The following NOL7 variants were observed in gnomAD, a reference collection of about 807,000 sequenced individuals.
The protein encoded by NOL7 is U3 small nucleolar RNA-associated protein NOL7.
NOL7 carries 36 observed loss-of-function variants against 38.4 expected under a neutral mutation model. The observed-to-expected ratio is 0.94, with a 90% CI of 0.72 to 1.24. The LOEUF is 1.24. Among genes scored for constraint, NOL7 ranks in the 50% most tolerant of loss-of-function variants. NOL7 has a pLI of 0.00. For synonymous variants in NOL7, 142 were observed against 126.5 expected (o/e 1.12, Z -0.82); for missense variants, 350 against 315.1 (o/e 1.11, Z -0.84).
rs1339356738 is a variant in NOL7, at chr6:13,620,978, C to T, written c.*151C>T. 8.0e-6 allele frequency: 4 copies of T among 500,182 alleles called. No individual in the cohort carries two copies. Among genetic ancestry groups the T allele is most frequent in the African/African-American group, 2.0e-5 (1 of 51,136 alleles). 31.0% of individuals were successfully genotyped at this position (500,182 alleles called of 1,614,324 possible). ...TCATTCTTCTGGAGTAGAACTGTGC[C>T]TTGCAATCCTAGAGGAAAAAGTGGT... On this transcript the variant is annotated 3_prime_UTR_variant, in exon 8 of 8. Coordinates refer to ENST00000451315, the MANE Select transcript of NOL7 (RefSeq NM_016167.5).
At position 13,615,440 on chromosome 6, in the gene NOL7, G is replaced by A. The variant is rs968187122; in HGVS notation, c.82G>A (p.Glu28Lys). 46 of 1,549,324 alleles carry A rather than the reference G, an allele frequency of 3.0e-5. No homozygotes were observed. The highest frequency in any genetic ancestry group is 3.7e-5 in the Non-Finnish European group (43 of 1,146,668). Residue 28 changes from glutamate (E) to lysine (K), a missense_variant, in exon 1 of 8, where the codon GAG becomes AAG. Coordinates refer to ENST00000451315, the MANE Select transcript of NOL7 (RefSeq NM_016167.5). The stretch of plus-strand genomic sequence containing the variant: ...GGACGAGGGCCAGCTGGCCTCGGAG[G>A]AGGAGGAGGCGGAGCACGGGCTGTT... ...MVDEGQLASEEEEAEHGLLLG... is the reference protein window; with the variant it reads ...MVDEGQLASEKEEAEHGLLLG...
At chr6:13,616,321 T>C in intron 2 of NOL7, 142 bp from the exon 3 acceptor site, 1 of 567,174 alleles carries the variant, frequency 1.8e-6, no homozygotes, top group Non-Finnish European at 3.1e-6. Flanking sequence ...TCCCATAGCT[T>C]AGAGGTATGG....
At chr6:13,618,232 AT>A (rs1211719714) in intron 5 of NOL7, 93 bp downstream of exon 5, 2 of 461,280 alleles carry the variant, frequency 4.3e-6, no homozygotes, top group African/African-American at 4.1e-5. Flanking sequence ...ATTTTATTTT[AT>A]TTTATTTTTA....
At chr6:13,618,319 C>T (rs1251983454) in intron 5 of NOL7, 180 bp downstream of exon 5, 1 of 200,634 alleles carries the variant, frequency 5.0e-6, no homozygotes. Flanking sequence ...GCAATCTCGG[C>T]TCACTGCAAG....
At chr6:13,620,686 AGAGT>A in intron 7 of NOL7, 64 bp from the exon 8 acceptor site, 1 of 1,084,270 alleles carries the variant, frequency 9.2e-7, no homozygotes, top group Non-Finnish European at 1.3e-6. Context: ...ACATTCATAT[AGAGT>A]AATTAAAAAA....
chr6:13,625,289 G>A (rs1252557899), downstream of NOL7, among the ~76,000 whole-genome samples: 1 of 152,090 alleles, frequency 6.6e-6, no homozygotes, highest in Non-Finnish European at 1.5e-5. Flanking sequence ...CACTAAAGAG[G>A]GCTGTAAGGA....
chr6:13,630,558 AAACAACAGT>A (rs1189421953), intron 8 of NOL7, among the ~76,000 whole-genome samples: 1 of 152,196 alleles, frequency 6.6e-6, no homozygotes, highest in Non-Finnish European at 1.5e-5. Flanking sequence ...ATATGCCCTA[AAACAACAGT>A]ACTCAAAGTA....
At position 13,629,921 on chromosome 6, in the gene NOL7, C is replaced by CTCGT. The variant is rs1554221305; in HGVS notation, n.574-2472_574-2471insTCGT. Among the ~76,000 whole-genome samples the CTCGT allele has an allele frequency of 5.8e-3, 751 of 128,396 alleles. 2 individuals are homozygous for CTCGT. Among genetic ancestry groups the CTCGT allele is most frequent in the African/African-American group, 0.013 (454 of 35,348 alleles). The allele number at this position is 128,396 out of a possible 152,430, so 84.2% of individuals were successfully genotyped here. A position where few individuals can be genotyped will look rare whatever the true frequency, so the allele number is the denominator to read the frequency against. On this transcript the variant is annotated intron_variant and non_coding_transcript_variant, in intron 8 of 8. Coordinates refer to the NOL7 transcript ENST00000474485. ...TCTCTCTCTCTCTCTCTCTCTCTCT[C>CTCGT]GTGTGTGTGTGTGTGTGTGTGTATT...
rs1764243130 is a variant in NOL7 at position 13,615,366 on chromosome 6, A to G, written c.8A>G (p.Gln3Arg). The G allele has an allele frequency of 3.3e-6, 5 of 1,506,776 alleles. No individual in the cohort carries two copies. The highest frequency in any genetic ancestry group is 1.4e-5 in the African/African-American group (1 of 72,210). 93.3% of individuals were successfully genotyped at this position (1,506,776 alleles called of 1,614,324 possible). Residue 3 changes from glutamine (Q) to arginine (R), a missense_variant, in exon 1 of 8, where the codon CAG (glutamine) becomes CGG (arginine). By Grantham distance (43) the Gln-to-Arg change is conservative (BLOSUM62 1). Transcript: ENST00000451315. The part of the protein sequence containing the change: MV[Q>R]LRPRASRAPA... ...TCTAGCGCTGCGTGGGCCATGGTGC[A>G]GCTCCGACCGCGAGCGTCTCGCGCC...
downstream of NOL7, among the ~76,000 whole-genome samples, chr6:13,625,172 C>T (rs928793748): frequency 6.6e-6 from 1 of 152,158 alleles, no homozygotes; most frequent in Non-Finnish European, 1.5e-5. Flanking sequence ...ACTCTTGTGA[C>T]AATTATTAAT....
intron 8 of NOL7, among the ~76,000 whole-genome samples, chr6:13,631,236 T>A (rs1252637775): frequency 6.6e-6 from 1 of 152,204 alleles, no homozygotes; most frequent in South Asian, 2.1e-4. Context: ...ATGGAGTAGA[T>A]GAAGTTCAAA....
At chr6:13,619,861 A>G (rs1764391882) in intron 5 of NOL7, among the ~76,000 whole-genome samples, 1 of 152,256 alleles carries the variant, frequency 6.6e-6, no homozygotes, top group Admixed American at 6.5e-5. Context: ...AAAATATTTT[A>G]AAGTAAGCAT....
At chr6:13,623,123 TAA>T (rs1242252210), downstream of NOL7, among the ~76,000 whole-genome samples, 1 of 152,208 alleles carries the variant, frequency 6.6e-6, no homozygotes, top group African/African-American at 2.4e-5. Context: ...CTGCATATCA[TAA>T]GTTTCTTTGT....
At chr6:13,623,891 T>C (rs186238016), downstream of NOL7, among the ~76,000 whole-genome samples, 12 of 152,290 alleles carry the variant, frequency 7.9e-5, no homozygotes, top group East Asian at 2.3e-3. Context: ...TGCTCAACAA[T>C]TAAATTCCCT....
chr6:13,625,324 G>T (rs144228450), downstream of NOL7, among the ~76,000 whole-genome samples: 50 of 152,234 alleles, frequency 3.3e-4, no homozygotes, highest in East Asian at 9.3e-3. Context: ...GTAGTATTTT[G>T]AATTATACAC....
chr6:13,620,264 G>T lies in NOL7; in HGVS notation c.557G>T (p.Arg186Met), dbSNP rs777278711. ...RLKDQDLRDS[R>M]QQAAQAFIHN... ...AAAGACCAAGATCTGAGAGATTCAA[G>T]GCAACAAGCAGCACAAGCCTTCATA... The change falls in exon 6 of 8, where the codon AGG (arginine) becomes ATG (methionine). Residue 186 changes from arginine to methionine, a missense_variant. Physicochemically the swap from Arg to Met is moderately conservative, Grantham distance 91 (BLOSUM62 -1). Transcript: ENST00000451315. 9 of 1,614,174 alleles carry T rather than the reference G, an allele frequency of 5.6e-6. No individual in the cohort carries two copies. Among genetic ancestry groups the T allele is most frequent in the Non-Finnish European group, 3.4e-6 (4 of 1,180,014 alleles).
intron 2 of NOL7, 143 bp downstream of exon 2, chr6:13,615,915 G>C: frequency 1.1e-6 from 1 of 909,940 alleles, no homozygotes; most frequent in Non-Finnish European, 1.6e-6. Context: ...AAAGATGCTC[G>C]GGCCGGGCGC....
chr6:13,630,415 A>C (rs1051641638), intron 8 of NOL7, among the ~76,000 whole-genome samples: 4 of 152,210 alleles, frequency 2.6e-5, no homozygotes, highest in African/African-American at 9.6e-5. Context: ...AATGGAGTAT[A>C]ATCTTAAATT....
At chr6:13,621,766 A>G (rs1021760999), downstream of NOL7, 5 of 152,670 alleles carry the variant, frequency 3.3e-5, no homozygotes, top group African/African-American at 1.2e-4. Context: ...AGACCATGTT[A>G]AAACAAAACT....
Sources: allele counts gnomAD v4.1 joint callset (sites outside exome capture counted in the v4.1 genomes callset), GRCh38; gene constraint gnomAD v4.1.1; transcripts MANE v1.5; gene names NCBI Gene and HGNC (gene_info 2026-07-23, HGNC 2026-07-21).